The following PARL variants were observed in gnomAD, a reference collection of about 807,000 sequenced individuals.
PARL encodes the protein presenilin associated rhomboid like.
PARL carries 44 observed loss-of-function variants against 51.6 expected under a neutral mutation model. The observed-to-expected ratio is 0.85, with a 90% CI of 0.67 to 1.10. The LOEUF (loss-of-function observed/expected upper bound fraction) is 1.10, where lower values mean the gene tolerates loss of function less well. Ranked by LOEUF, PARL falls within the 50% of genes least tolerant of loss-of-function variation. The probability of loss-of-function intolerance (pLI) is 0.00; values close to 1 mark genes in which losing one functional copy is unlikely to be tolerated. For missense variants in PARL, 441 were observed against 469.5 expected, an observed-to-expected ratio of 0.94 and a Z score of 0.56; for synonymous variants, 172 against 164.0, an observed-to-expected ratio of 1.05 and a Z score of -0.37.
intron 1 of PARL, among the ~76,000 whole-genome samples, chr3:183,870,937 A>G (rs1046322840): frequency 6.6e-6 from 1 of 152,130 alleles, no homozygotes; most frequent in Non-Finnish European, 1.5e-5. Context: ...AGTCTTCCCT[A>G]GCTGCCCCAG....
chr3:183,867,928 T>C lies in PARL; in HGVS notation c.258A>G (p.Thr86=). 1.9e-6 allele frequency: 3 copies of C among 1,614,010 alleles called. No homozygotes were observed. Among genetic ancestry groups the C allele is most frequent in the Non-Finnish European group, 2.5e-6 (3 of 1,179,862 alleles). The change falls in exon 2 of 10, where the codon ACA becomes ACG. Residue 86 remains threonine (T), a synonymous_variant. Transcript: ENST00000317096. The part of the protein sequence containing the change: ...RSALIPPVEE[T]VFYPSPYPIR... ...TAGGATAGGGAGAAGGATAAAAGACTGTTTCTTCCACAGGAGGAATCAAAG... is the reference window on the plus strand; with the variant it reads ...TAGGATAGGGAGAAGGATAAAAGACCGTTTCTTCCACAGGAGGAATCAAAG...
At position 183,882,418 on chromosome 3, in the gene PARL, G is replaced by T. The variant is rs60003971; in HGVS notation, c.125+2304C>A. Among the ~76,000 whole-genome samples the T allele has an allele frequency of 8.6e-3, 771 of 89,632 alleles. 9 individuals are homozygous for T. The highest frequency in any genetic ancestry group is 0.025 in the African/African-American group (648 of 26,096). The allele number at this position is 89,632 out of a possible 152,430, so 58.8% of individuals were successfully genotyped here. A position where few individuals can be genotyped will look rare whatever the true frequency, so the allele number is the denominator to read the frequency against. ...GCACATATACACACACATATATATA[G>T]AGAGAGAGAGAGAGAGAAAGAGAGA... On this transcript the variant is annotated intron_variant, in intron 1 of 9. Coordinates refer to ENST00000317096, the MANE Select transcript of PARL (RefSeq NM_018622.7).
At chr3:183,876,819 A>G (rs768024713) in intron 1 of PARL, among the ~76,000 whole-genome samples, 3 of 152,184 alleles carry the variant, frequency 2.0e-5, no homozygotes. Context: ...AAATACCAAC[A>G]TTAACAGTTT....
At chr3:183,867,075 G>C (rs564267790) in intron 2 of PARL, among the ~76,000 whole-genome samples, 4 of 152,036 alleles carry the variant, frequency 2.6e-5, no homozygotes, top group East Asian at 3.9e-4. Flanking sequence ...CTCCAGGCCC[G>C]GCTAATTTTT....
intron 4 of PARL, among the ~76,000 whole-genome samples, chr3:183,859,162 C>A (rs541387216): frequency 2.0e-5 from 3 of 151,838 alleles, no homozygotes; most frequent in African/African-American, 7.2e-5. Context: ...AAAAATTAGC[C>A]GGGCACTTAT....
intron 4 of PARL, among the ~76,000 whole-genome samples, chr3:183,860,655 G>A (rs1007444690): frequency 6.6e-6 from 1 of 152,180 alleles, no homozygotes; most frequent in African/African-American, 2.4e-5. Flanking sequence ...TCACCAGCAT[G>A]AGAAAAGGTT....
At chr3:183,835,057 TCAAAA>T (rs1158749343) in intron 7 of PARL, among the ~76,000 whole-genome samples, 2 of 151,550 alleles carry the variant, frequency 1.3e-5, no homozygotes, top group East Asian at 1.9e-4. Flanking sequence ...AGACTCTGTC[TCAAAA>T]CAAAACAAAA....
chr3:183,836,294 CATCT>C (rs957842289), intron 7 of PARL, among the ~76,000 whole-genome samples: 3 of 150,068 alleles, frequency 2.0e-5, no homozygotes, highest in African/African-American at 4.9e-5. Flanking sequence ...GATTATTCTC[CATCT>C]GTTAAAAAAA....
chr3:183,859,107 C>G (rs762122705), intron 4 of PARL, among the ~76,000 whole-genome samples: 1 of 152,006 alleles, frequency 6.6e-6, no homozygotes, highest in Non-Finnish European at 1.5e-5. Context: ...AGATCTAGAC[C>G]ATCCTGGCTA....
At position 183,866,661 on chromosome 3, in the gene PARL, G is replaced by A. The variant is rs1732514372; in HGVS notation, c.426C>T (p.Ser142=). Residue 142 remains serine (S), a synonymous_variant, in exon 3 of 10, where the codon AGC becomes AGT. Transcript: ENST00000317096. ...FDGIKADWLD[S]IRPQKEGDFR... ...AGTCTCCTTCTTTTTGTGGTCTTATGCTATCCAACCAATCAGCTTTTATAC... is the reference window on the plus strand; with the variant it reads ...AGTCTCCTTCTTTTTGTGGTCTTATACTATCCAACCAATCAGCTTTTATAC... The A allele has an allele frequency of 6.2e-7, 1 of 1,611,800 alleles. No individual in the cohort carries two copies. The highest frequency in any genetic ancestry group is 8.5e-7 in the Non-Finnish European group (1 of 1,179,242).
intron 1 of PARL, among the ~76,000 whole-genome samples, chr3:183,868,584 C>T (rs999076304): frequency 2.0e-5 from 3 of 151,980 alleles, no homozygotes; most frequent in African/African-American, 7.2e-5. Context: ...AATTTTTGTA[C>T]CTTTTGTAGA....
chr3:183,851,986 C>T (rs1286873675), intron 4 of PARL, among the ~76,000 whole-genome samples: 1 of 152,134 alleles, frequency 6.6e-6, no homozygotes, highest in African/African-American at 2.4e-5. Context: ...TTGGCAAGAC[C>T]TCATCTCTAC....
intron 4 of PARL, among the ~76,000 whole-genome samples, chr3:183,862,125 A>G (rs959074176): frequency 8.5e-5 from 13 of 152,244 alleles, no homozygotes; most frequent in Non-Finnish European, 1.3e-4. Context: ...AATATTGCAG[A>G]GGTGTTAACT....
At chr3:183,877,600 G>A (rs933256487) in intron 1 of PARL, among the ~76,000 whole-genome samples, 29 of 151,954 alleles carry the variant, frequency 1.9e-4, no homozygotes, top group African/African-American at 6.5e-4. Context: ...AATTGCCACC[G>A]CTACCCCAAC....
intron 5 of PARL, chr3:183,843,317 A>G (rs971999399): frequency 2.0e-6 from 2 of 985,126 alleles, no homozygotes; most frequent in East Asian, 2.3e-4. Flanking sequence ...GAAAAAAATA[A>G]GCAGTCTGGG....
Position 183,835,231 on chromosome 3 carries a change from T to G in PARL, c.829-1406A>C, listed in dbSNP as rs185627456. On this transcript the variant is annotated intron_variant, in intron 7 of 9. Coordinates refer to ENST00000317096, the MANE Select transcript of PARL (RefSeq NM_018622.7). ...AAGCCCCTATCATTAAAAAGAAAGG[T>G]TCCTACCTTTTCATATAAAAACGGT... Among the ~76,000 whole-genome samples, 11 of 151,656 alleles carry G rather than the reference T, an allele frequency of 7.3e-5. No individual in the cohort carries two copies. The East Asian group carries it at 1.9e-3, about 27-fold the overall frequency.
chr3:183,858,333 G>A (rs1731398579), intron 4 of PARL, among the ~76,000 whole-genome samples: 2 of 152,036 alleles, frequency 1.3e-5, no homozygotes, highest in South Asian at 4.1e-4. Flanking sequence ...GAACTGAAAT[G>A]AAAAAGAATA....
chr3:183,838,206 T>G (rs1158589329), intron 7 of PARL, among the ~76,000 whole-genome samples: 1 of 151,994 alleles, frequency 6.6e-6, no homozygotes, highest in African/African-American at 2.4e-5. Context: ...TTGAAATTTT[T>G]TGTAGAGATG....
intron 1 of PARL, among the ~76,000 whole-genome samples, chr3:183,882,271 A>ATATATATATATATT (rs1560442516): frequency 9.8e-6 from 1 of 101,768 alleles, no homozygotes; most frequent in Admixed American, 1.2e-4. Context: ...ATATATATTT[A>ATATATATATATATT]TATATATATA....
Sources: gnomAD v4.1 joint callset for allele counts (sites outside exome capture counted in the v4.1 genomes callset) on GRCh38, gnomAD v4.1.1 for gene constraint, MANE v1.5 for transcripts, NCBI Gene and HGNC (gene_info 2026-07-23, HGNC 2026-07-21) for gene names.